The following MAP2K1 variants were observed in gnomAD, a reference collection of about 807,000 sequenced individuals.
MAP2K1 encodes the protein mitogen-activated protein kinase kinase 1.
A neutral mutation model predicts 46.3 loss-of-function variants in MAP2K1; 16 were observed. The observed-to-expected ratio is 0.35, with a 90% CI of 0.23 to 0.52. The LOEUF is 0.52. MAP2K1 is among the 20% of genes least tolerant of loss of function. The pLI is 0.94. For missense variants in MAP2K1, 263 were observed against 497.1 expected (o/e 0.53, Z 4.48); for synonymous variants, 183 against 185.6 (o/e 0.99, Z 0.11).
At chr15:66,388,961 C>T (rs1345721678) in intron 1 of MAP2K1, among the ~76,000 whole-genome samples, 1 of 133,056 alleles carries the variant, frequency 7.5e-6, no homozygotes, top group Non-Finnish European at 1.5e-5. Flanking sequence ...GGCTGGAGTG[C>T]AATGGTGCGA....
chr15:66,414,365 C>A (rs1467411894), intron 1 of MAP2K1, among the ~76,000 whole-genome samples: 1 of 152,094 alleles, frequency 6.6e-6, no homozygotes, highest in African/African-American at 2.4e-5. Context: ...GAGCAATTCA[C>A]AGAACTCAGG....
intron 5 of MAP2K1, among the ~76,000 whole-genome samples, chr15:66,471,014 C>T (rs1322660874): frequency 6.6e-6 from 1 of 152,158 alleles, no homozygotes; most frequent in Non-Finnish European, 1.5e-5. Context: ...GAGAGACAAA[C>T]ACTTGGATTC....
chr15:66,471,300 A>G (rs889313942), intron 5 of MAP2K1, among the ~76,000 whole-genome samples: 20 of 152,176 alleles, frequency 1.3e-4, no homozygotes, highest in African/African-American at 4.8e-4. Context: ...TTTCCCTCCA[A>G]GCTGCAAGAG....
At chr15:66,464,029 G>C (rs1040013179) in intron 5 of MAP2K1, among the ~76,000 whole-genome samples, 1 of 152,232 alleles carries the variant, frequency 6.6e-6, no homozygotes, top group African/African-American at 2.4e-5. Context: ...GCCCTAAACA[G>C]TTCTCAGCTT....
At chr15:66,452,579 C>T (rs147015778) in intron 5 of MAP2K1, among the ~76,000 whole-genome samples, 3 of 152,194 alleles carry the variant, frequency 2.0e-5, no homozygotes, top group East Asian at 1.9e-4. Context: ...TTCTAGGCTG[C>T]GATTGACATA....
At chr15:66,481,092 G>A (rs1892902705) in intron 5 of MAP2K1, among the ~76,000 whole-genome samples, 1 of 152,180 alleles carries the variant, frequency 6.6e-6, no homozygotes, top group African/African-American at 2.4e-5. Context: ...CTGAGGAGCA[G>A]CTTTAAGGCC....
chr15:66,424,427 T>C (rs2093451859), intron 1 of MAP2K1, among the ~76,000 whole-genome samples: 2 of 152,238 alleles, frequency 1.3e-5, no homozygotes, highest in Admixed American at 6.5e-5. Context: ...AAATTGTCTT[T>C]ATCCTCAGAA....
In MAP2K1 at chr15:66,436,739, T is replaced by C; in HGVS notation, c.292-7T>C. The C allele has an allele frequency of 6.2e-7, 1 of 1,614,014 alleles. No individual in the cohort carries two copies. Among genetic ancestry groups the C allele is most frequent in the East Asian group, 2.2e-5 (1 of 44,884 alleles). On this transcript the variant is annotated splice_region_variant and splice_polypyrimidine_tract_variant and intron_variant, in intron 2 of 10. Coordinates refer to ENST00000307102, the MANE Select transcript of MAP2K1 (RefSeq NM_002755.4). Reference sequence around the variant, plus strand: ...ATAAAACCTCTCTTTCTTCCACCTTTCTCCAGCTAATTCATCTGGAGATCA... The same window carrying C: ...ATAAAACCTCTCTTTCTTCCACCTTCCTCCAGCTAATTCATCTGGAGATCA...
At chr15:66,449,247 A>G (rs1283872429) in intron 5 of MAP2K1, among the ~76,000 whole-genome samples, 3 of 152,224 alleles carry the variant, frequency 2.0e-5, no homozygotes, top group African/African-American at 7.2e-5. Context: ...TTATCAGATG[A>G]GTGGGTACAT....
chr15:66,467,330 A>G (rs934235701), intron 5 of MAP2K1, among the ~76,000 whole-genome samples: 1 of 152,202 alleles, frequency 6.6e-6, no homozygotes, highest in African/African-American at 2.4e-5. Context: ...CTAATCTCCA[A>G]GCTGTCCTTG....
intron 1 of MAP2K1, among the ~76,000 whole-genome samples, chr15:66,395,622 TAG>T (rs2093365865): frequency 6.9e-6 from 1 of 145,406 alleles, no homozygotes; most frequent in Non-Finnish European, 1.5e-5. Context: ...TCACCCAGGC[TAG>T]AGTGTGCAGT....
intron 1 of MAP2K1, among the ~76,000 whole-genome samples, chr15:66,416,377 C>G (rs2140545792): frequency 6.6e-6 from 1 of 152,102 alleles, no homozygotes; most frequent in South Asian, 2.1e-4. Context: ...CACCCACCCA[C>G]ACACCCACCT....
chr15:66,410,582 C>G (rs1455465787), intron 1 of MAP2K1, among the ~76,000 whole-genome samples: 1 of 152,108 alleles, frequency 6.6e-6, no homozygotes, highest in Non-Finnish European at 1.5e-5. Context: ...CTGCTGAAGG[C>G]TTATTAAAAT....
chr15:66,459,300 ACT>A lies in MAP2K1; in HGVS notation c.568+14596_568+14597del, dbSNP rs1221607879. 7.2e-5 allele frequency among the ~76,000 whole-genome samples: 8 copies of A among 111,782 alleles called. No homozygotes were observed. The South Asian group carries it at 2.3e-3, about 32-fold the overall frequency. 73.3% of individuals were successfully genotyped at this position (111,782 alleles called of 152,430 possible). A position where few individuals can be genotyped will look rare whatever the true frequency, so the allele number is the denominator to read the frequency against. ...CACTCCAGCTTGGCAACAGAACAAG[ACT>A]CTGTCTCAAAAAAAAAAAAAAAAAT... On this transcript the variant is annotated intron_variant, in intron 5 of 10. Coordinates refer to ENST00000307102, the MANE Select transcript of MAP2K1 (RefSeq NM_002755.4).
chr15:66,483,560 A>G (rs914110545), intron 6 of MAP2K1, among the ~76,000 whole-genome samples: 1 of 152,198 alleles, frequency 6.6e-6, no homozygotes, highest in East Asian at 1.9e-4. Context: ...GTTAATGTCT[A>G]CGTGAATATA....
intron 1 of MAP2K1, among the ~76,000 whole-genome samples, chr15:66,432,162 A>G (rs1417883625): frequency 5.3e-5 from 8 of 152,182 alleles, no homozygotes; most frequent in Admixed American, 5.2e-4. Flanking sequence ...ACTCTTGAAT[A>G]CTAGTGATTT....
rs1423726793 is a variant in MAP2K1 at position 66,490,073 on chromosome 15, T to C, written c.1068+310T>C. 4 of 543,996 alleles carry C rather than the reference T, an allele frequency of 7.4e-6. No individual in the cohort carries two copies. In the African/African-American group the frequency reaches 7.6e-5, roughly 10 times the overall value. The allele number at this position is 543,996 out of a possible 1,614,324, so 33.7% of individuals were successfully genotyped here. A position where few individuals can be genotyped will look rare whatever the true frequency, so the allele number is the denominator to read the frequency against. ...TTCCCTAATACTGACTGCCTCATCT[T>C]ACATTCAGCCTCCTTCCAGAGTCAC... On this transcript the variant is annotated intron_variant, in intron 10 of 10. Transcript: ENST00000307102.
At chr15:66,408,866 C>T (rs1276073790) in intron 1 of MAP2K1, among the ~76,000 whole-genome samples, 3 of 152,156 alleles carry the variant, frequency 2.0e-5, no homozygotes, top group South Asian at 2.1e-4. Flanking sequence ...ATCTGGGCAG[C>T]GGTCATCTGC....
At chr15:66,485,226 TGGAGG>T in intron 7 of MAP2K1, 35 bp downstream of exon 7, 1 of 1,589,934 alleles carries the variant, frequency 6.3e-7, no homozygotes, top group Non-Finnish European at 8.6e-7. Context: ...CTTGGACTGT[TGGAGG>T]GGAGGGTCCC....
Sources: gnomAD v4.1 joint callset for allele counts (sites outside exome capture counted in the v4.1 genomes callset) on GRCh38, gnomAD v4.1.1 for gene constraint, MANE v1.5 for transcripts, NCBI Gene and HGNC (gene_info 2026-07-23, HGNC 2026-07-21) for gene names.